The following PCDH7 variants were observed in gnomAD, a reference collection of about 807,000 sequenced individuals.
PCDH7 encodes the protein protocadherin 7.
Under a neutral mutation model 58.9 loss-of-function variants are expected in PCDH7, and 17 were observed. The ratio of observed to expected loss-of-function variants is 0.29; its 90% CI spans 0.20 to 0.43. PCDH7 has a LOEUF of 0.43. PCDH7 is among the 20% of genes least tolerant of loss of function. PCDH7 has a pLI of 1.00. For missense variants in PCDH7, 1,274 were observed against 1,441.0 expected, an observed-to-expected ratio of 0.88 and a Z score of 1.88; for synonymous variants, 664 against 616.4, an observed-to-expected ratio of 1.08 and a Z score of -1.14.
chr4:31,062,175 A>G (rs1185924382), intron 3 of PCDH7, among the ~76,000 whole-genome samples: 1 of 151,684 alleles, frequency 6.6e-6, no homozygotes, highest in Non-Finnish European at 1.5e-5. Flanking sequence ...AGCCATTGGC[A>G]GTATGATAAC....
intron 1 of PCDH7, among the ~76,000 whole-genome samples, chr4:30,860,487 A>G (rs1304360290): frequency 2.6e-5 from 4 of 151,920 alleles, no homozygotes; most frequent in Non-Finnish European, 5.9e-5. Context: ...GGATTTCTTA[A>G]TTATGGATTG....
At chr4:31,040,985 T>C (rs1427247356) in intron 3 of PCDH7, among the ~76,000 whole-genome samples, 2 of 152,132 alleles carry the variant, frequency 1.3e-5, no homozygotes, top group Non-Finnish European at 2.9e-5. Context: ...AAAATATTTG[T>C]CCACTTTCTG....
intron 3 of PCDH7, among the ~76,000 whole-genome samples, chr4:31,113,746 A>G (rs1716628172): frequency 6.6e-6 from 1 of 152,154 alleles, no homozygotes; most frequent in African/African-American, 2.4e-5. Context: ...CAGTAACACA[A>G]AATAACTCTT....
At chr4:31,058,832 G>A (rs558114293) in intron 3 of PCDH7, among the ~76,000 whole-genome samples, 1 of 151,974 alleles carries the variant, frequency 6.6e-6, no homozygotes, top group South Asian at 2.1e-4. Flanking sequence ...TTCGAAAGGA[G>A]GACAATAGAA....
At chr4:30,804,214 C>T (rs1233941827) in intron 1 of PCDH7, among the ~76,000 whole-genome samples, 3 of 152,100 alleles carry the variant, frequency 2.0e-5, no homozygotes, top group African/African-American at 7.2e-5. Flanking sequence ...GACATTTACC[C>T]ACTTGAACAT....
At chr4:30,896,567 T>A (rs1181915652) in intron 1 of PCDH7, among the ~76,000 whole-genome samples, 1 of 152,118 alleles carries the variant, frequency 6.6e-6, no homozygotes, top group Non-Finnish European at 1.5e-5. Context: ...GTCTTACATC[T>A]GATGAGTGAT....
intron 3 of PCDH7, among the ~76,000 whole-genome samples, chr4:30,984,005 A>G (rs1412966544): frequency 6.6e-6 from 1 of 152,216 alleles, no homozygotes; most frequent in Non-Finnish European, 1.5e-5. Context: ...CTTTTTACTG[A>G]CATTAGTATC....
intron 1 of PCDH7, among the ~76,000 whole-genome samples, chr4:30,873,626 G>A (rs1735900038): frequency 6.6e-6 from 1 of 151,612 alleles, no homozygotes; most frequent in Admixed American, 6.6e-5. Flanking sequence ...TGATTTGATG[G>A]TTTTGCAGTC....
At chr4:30,763,077 T>C (rs1351640828) in intron 1 of PCDH7, among the ~76,000 whole-genome samples, 2 of 152,094 alleles carry the variant, frequency 1.3e-5, no homozygotes, top group Admixed American at 6.5e-5. Flanking sequence ...ACCCCGTCTC[T>C]ACTAAAAATA....
At chr4:30,892,225 A>T (rs1738705517) in intron 1 of PCDH7, among the ~76,000 whole-genome samples, 1 of 152,072 alleles carries the variant, frequency 6.6e-6, no homozygotes, top group African/African-American at 2.4e-5. Context: ...GGTAAATATA[A>T]GGTACCTGTA....
Position 31,118,269 on chromosome 4 carries a change from T to C in PCDH7, c.*8-24204T>C, listed in dbSNP as rs114407934. The stretch of plus-strand genomic sequence containing the variant: ...GGGTAAATTATGATGAAAGCTCTGC[T>C]GTCCTTATAGCACTCAGATTTACTT... On this transcript the variant is annotated intron_variant, in intron 3 of 3. Transcript: ENST00000509759. 9.8e-3 allele frequency among the ~76,000 whole-genome samples: 1,486 copies of C among 152,344 alleles called. 22 individuals are homozygous for C. The highest frequency in any genetic ancestry group is 0.027 in the African/African-American group (1,133 of 41,576).
intron 1 of PCDH7, among the ~76,000 whole-genome samples, chr4:30,838,792 C>T (rs1730845803): frequency 6.6e-6 from 1 of 152,010 alleles, no homozygotes. Flanking sequence ...AACTGAGAAC[C>T]ACTAAATGCA....
intron 3 of PCDH7, among the ~76,000 whole-genome samples, chr4:30,993,780 T>C (rs1751650107): frequency 6.6e-6 from 1 of 152,010 alleles, no homozygotes; most frequent in Non-Finnish European, 1.5e-5. Flanking sequence ...TAAAAAAAAC[T>C]CTGAGAGTTG....
intron 1 of PCDH7, among the ~76,000 whole-genome samples, chr4:30,893,421 A>C (rs1560475191): frequency 2.0e-5 from 3 of 152,060 alleles, no homozygotes; most frequent in African/African-American, 7.2e-5. Flanking sequence ...ATTATGATTA[A>C]ATTTCAAAGT....
At chr4:30,786,764 T>A in intron 1 of PCDH7, 3 of 983,278 alleles carry the variant, frequency 3.1e-6, no homozygotes, top group Non-Finnish European at 3.6e-6. Context: ...TCTGGCCACA[T>A]TGAGGAATCG....
intron 2 of PCDH7, chr4:30,935,356 C>G (rs985714953): frequency 1.0e-6 from 1 of 981,784 alleles, no homozygotes; most frequent in African/African-American, 1.7e-5. Context: ...TAAGTAGTTT[C>G]TTGGCACCTT....
At chr4:30,909,906 C>G (rs569283263) in intron 1 of PCDH7, among the ~76,000 whole-genome samples, 1 of 152,220 alleles carries the variant, frequency 6.6e-6, no homozygotes, top group South Asian at 2.1e-4. Flanking sequence ...GGAGGCATCA[C>G]GCTACTTGAC....
chr4:30,751,888 C>T (rs988825677), intron 1 of PCDH7, among the ~76,000 whole-genome samples: 1 of 152,122 alleles, frequency 6.6e-6, no homozygotes, highest in Non-Finnish European at 1.5e-5. Context: ...AATATTTTCA[C>T]CATGGAATGT....
At chr4:30,984,932 G>A (rs1750844977) in intron 3 of PCDH7, among the ~76,000 whole-genome samples, 1 of 151,970 alleles carries the variant, frequency 6.6e-6, no homozygotes, top group Non-Finnish European at 1.5e-5. Context: ...AAAAAAAGAA[G>A]GGGACATTTG....
Sources: allele counts gnomAD v4.1 joint callset (sites outside exome capture counted in the v4.1 genomes callset), GRCh38; gene constraint gnomAD v4.1.1; transcripts MANE v1.5; gene names NCBI Gene and HGNC (gene_info 2026-07-23, HGNC 2026-07-21).